BCAS4: variants seen among roughly 807,000 people sequenced by gnomAD.
BCAS4 encodes breast carcinoma amplified sequence 4.
In BCAS4, 9 loss-of-function variants were observed where a neutral mutation model predicts 15.7. The observed-to-expected ratio is 0.57, with a 90% CI of 0.34 to 1.00. The LOEUF (loss-of-function observed/expected upper bound fraction) is 1.00. Among genes scored for constraint, BCAS4 ranks in the 50% least tolerant of loss-of-function variants. BCAS4 has a pLI of 0.02. For synonymous variants in BCAS4, 101 were observed against 99.5 expected, an observed-to-expected ratio of 1.02 and a Z score of -0.09; for missense variants, 225 against 239.1, an observed-to-expected ratio of 0.94 and a Z score of 0.39.
chr20:50,826,599 G>T (rs2088280212), intron 2 of BCAS4, among the ~76,000 whole-genome samples: 1 of 152,040 alleles, frequency 6.6e-6, no homozygotes, highest in East Asian at 1.9e-4. Context: ...AATAGAGATG[G>T]TGCCTCGCTA....
At chr20:50,800,437 G>A (rs1004865300) in intron 1 of BCAS4, among the ~76,000 whole-genome samples, 1 of 152,128 alleles carries the variant, frequency 6.6e-6, no homozygotes, top group Non-Finnish European at 1.5e-5. Context: ...GCTTTCCCCA[G>A]ATGGAGGAGC....
chr20:50,819,394 G>C (rs1456705829), intron 2 of BCAS4, among the ~76,000 whole-genome samples: 1 of 152,148 alleles, frequency 6.6e-6, no homozygotes, highest in Non-Finnish European at 1.5e-5. Context: ...TGTCTCCCCA[G>C]AGTGGAGGAA....
chr20:50,871,173 G>A (rs1368780291), intron 4 of BCAS4, among the ~76,000 whole-genome samples: 1 of 152,212 alleles, frequency 6.6e-6, no homozygotes, highest in Non-Finnish European at 1.5e-5. Flanking sequence ...GCCCTAGAGG[G>A]CGATGGGCAA....
At chr20:50,795,046 C>A, upstream of BCAS4, 2 of 1,469,896 alleles carry the variant, frequency 1.4e-6, no homozygotes, top group Non-Finnish European at 1.8e-6. Context: ...CACGGGCTCC[C>A]AGGCAGCCTC....
intron 2 of BCAS4, among the ~76,000 whole-genome samples, chr20:50,818,494 C>T (rs2088169904): frequency 1.3e-5 from 2 of 152,222 alleles, no homozygotes; most frequent in East Asian, 1.9e-4. Flanking sequence ...CTTCCTGAGG[C>T]GGCCATCTTG....
At chr20:50,850,958 C>G (rs1008932383) in intron 4 of BCAS4, among the ~76,000 whole-genome samples, 2 of 152,150 alleles carry the variant, frequency 1.3e-5, no homozygotes, top group African/African-American at 4.8e-5. Flanking sequence ...AGCTGCCCTG[C>G]CCGGGCTGCC....
At chr20:50,848,989 C>T (rs73280619) in intron 4 of BCAS4, among the ~76,000 whole-genome samples, 2,069 of 152,340 alleles carry the variant, frequency 0.014, 54 homozygotes, top group African/African-American at 0.045. Flanking sequence ...CAGGCATGTG[C>T]GGAAGTGAAA....
In BCAS4 at chr20:50,798,312, C is replaced by CA. The variant is rs888271806; in HGVS notation, c.90+3147dup. 4.7e-4 allele frequency among the ~76,000 whole-genome samples: 71 copies of CA among 151,014 alleles called. 1 individual carries two copies. The highest frequency in any genetic ancestry group is 1.4e-3 in the African/African-American group (58 of 41,156). Reference sequence around the variant, plus strand: ...CTCTGTCTCAAAACAAACAAACAAACAAAAAAAACCCAAAAGAATTAAAAA... The same window carrying CA: ...CTCTGTCTCAAAACAAACAAACAAACAAAAAAAAACCCAAAAGAATTAAAAA... On this transcript the variant is annotated intron_variant, in intron 1 of 4. Coordinates refer to ENST00000371608, the MANE Select transcript of BCAS4 (RefSeq NM_198799.4).
intron 4 of BCAS4, among the ~76,000 whole-genome samples, chr20:50,868,324 C>A (rs187329123): frequency 1.3e-5 from 2 of 152,222 alleles, no homozygotes; most frequent in African/African-American, 2.4e-5. Flanking sequence ...CAGATGCAGA[C>A]AAACAATTTG....
At chr20:50,798,653 C>T (rs2087893804) in intron 1 of BCAS4, among the ~76,000 whole-genome samples, 1 of 152,202 alleles carries the variant, frequency 6.6e-6, no homozygotes, top group Admixed American at 6.5e-5. Context: ...TTCAGTCCAT[C>T]TCAGCTTGGA....
chr20:50,800,413 C>G (rs1000770342), intron 1 of BCAS4, among the ~76,000 whole-genome samples: 1 of 152,048 alleles, frequency 6.6e-6, no homozygotes, highest in Non-Finnish European at 1.5e-5. Context: ...CAAGCTCTGC[C>G]TGGACTTCAC....
chr20:50,850,561 T>G (rs925725262), intron 4 of BCAS4, among the ~76,000 whole-genome samples: 1 of 152,128 alleles, frequency 6.6e-6, no homozygotes, highest in African/African-American at 2.4e-5. Context: ...AAATTTCATG[T>G]GAGATTTTTG....
At chr20:50,874,299 C>T (rs1979808058) in intron 4 of BCAS4, among the ~76,000 whole-genome samples, 1 of 152,312 alleles carries the variant, frequency 6.6e-6, no homozygotes, top group Non-Finnish European at 1.5e-5. Flanking sequence ...ACCCACTCAG[C>T]ACAGGCTGTT....
chr20:50,812,242 C>T (rs1335246831), intron 1 of BCAS4, among the ~76,000 whole-genome samples: 3 of 150,556 alleles, frequency 2.0e-5, no homozygotes, highest in Admixed American at 6.6e-5. Flanking sequence ...ACGCCATTCT[C>T]CTGCCTCAGC....
Position 50,876,621 on chromosome 20 carries a change from T to C in BCAS4, c.*13T>C. The C allele has an allele frequency of 1.2e-6, 2 of 1,613,352 alleles. No individual in the cohort carries two copies. Among genetic ancestry groups the C allele is most frequent in the South Asian group, 2.2e-5 (2 of 90,948 alleles). On this transcript the variant is annotated 3_prime_UTR_variant, in exon 5 of 5. Transcript: ENST00000371608. ...TCGGCCTTTGTGAGCTTTGTGGTCT[T>C]CCCATCAGGAACGCTGGAAAGTGAC... is the stretch of plus-strand genomic sequence containing the variant.
chr20:50,842,747 G>T (rs1421679275), intron 4 of BCAS4, among the ~76,000 whole-genome samples: 1 of 152,052 alleles, frequency 6.6e-6, no homozygotes, highest in African/African-American at 2.4e-5. Flanking sequence ...GTGAGAAGAC[G>T]GAGGCTCGGG....
At chr20:50,857,995 G>C (rs559492724) in intron 4 of BCAS4, among the ~76,000 whole-genome samples, 41 of 152,088 alleles carry the variant, frequency 2.7e-4, no homozygotes, top group African/African-American at 9.6e-4. Context: ...TGCCCATCCC[G>C]TCCCCACACA....
chr20:50,865,873 G>A (rs1979330620), intron 4 of BCAS4, among the ~76,000 whole-genome samples: 1 of 152,138 alleles, frequency 6.6e-6, no homozygotes, highest in African/African-American at 2.4e-5. Flanking sequence ...GAGGGGTTCT[G>A]CTCACAGCTG....
At chr20:50,863,761 C>T (rs969170021) in intron 4 of BCAS4, among the ~76,000 whole-genome samples, 1 of 152,162 alleles carries the variant, frequency 6.6e-6, no homozygotes, top group African/African-American at 2.4e-5. Flanking sequence ...TGACTGCAGG[C>T]GTCTGGGCCT....
Sources: allele counts gnomAD v4.1 joint callset (sites outside exome capture counted in the v4.1 genomes callset), GRCh38; gene constraint gnomAD v4.1.1; transcripts MANE v1.5; gene names NCBI Gene and HGNC (gene_info 2026-07-23, HGNC 2026-07-21).